The following SRFBP1 variants were observed in gnomAD, a reference collection of about 807,000 sequenced individuals.
The protein encoded by SRFBP1 is serum response factor binding protein 1.
Under a neutral mutation model 45.5 loss-of-function variants are expected in SRFBP1, and 47 were observed. The ratio of observed to expected loss-of-function variants is 1.03; its 90% CI spans 0.82 to 1.32. SRFBP1 has a LOEUF of 1.32. SRFBP1 is among the 40% of genes most tolerant of loss of function. SRFBP1 has a pLI of 0.00. For missense variants in SRFBP1, 621 were observed against 484.6 expected, an observed-to-expected ratio of 1.28 and a Z score of -2.64; for synonymous variants, 203 against 166.3, an observed-to-expected ratio of 1.22 and a Z score of -1.70.
intron 7 of SRFBP1, among the ~76,000 whole-genome samples, chr5:122,023,775 T>G (rs1419730844): frequency 6.6e-6 from 1 of 152,198 alleles, no homozygotes; most frequent in Non-Finnish European, 1.5e-5. Flanking sequence ...GGCTTGTGAT[T>G]TCTTTCACTA....
At chr5:121,974,351 T>C (rs187502024) in intron 2 of SRFBP1, 67 bp downstream of exon 2, 3 of 1,161,238 alleles carry the variant, frequency 2.6e-6, no homozygotes, top group East Asian at 2.5e-5. Context: ...TTTGATACTT[T>C]AAAATGTTTA....
intron 3 of SRFBP1, 70 bp from the exon 4 acceptor site, chr5:121,994,529 G>A (rs1752679798): frequency 4.0e-6 from 4 of 993,478 alleles, no homozygotes; most frequent in Non-Finnish European, 6.0e-6. Flanking sequence ...CTTAAGATAC[G>A]GAAAGGAACT....
intron 7 of SRFBP1, among the ~76,000 whole-genome samples, chr5:122,025,405 A>G (rs1753458765): frequency 6.6e-6 from 1 of 152,192 alleles, no homozygotes; most frequent in African/African-American, 2.4e-5. Flanking sequence ...TATTGTGAAT[A>G]GTGCCGCAAT....
intron 2 of SRFBP1, among the ~76,000 whole-genome samples, chr5:122,072,734 A>G (rs1241957282): frequency 6.6e-6 from 1 of 152,226 alleles, no homozygotes; most frequent in African/African-American, 2.4e-5. Context: ...AAGAACATAT[A>G]TGGAAGATGA....
intron 2 of SRFBP1, among the ~76,000 whole-genome samples, chr5:122,044,981 T>TA (rs1185354093): frequency 6.6e-6 from 1 of 152,184 alleles, no homozygotes; most frequent in African/African-American, 2.4e-5. Flanking sequence ...TCAGGGTTTT[T>TA]ATAGTTTTAG....
At chr5:121,982,020 T>A (rs1343204314) in intron 3 of SRFBP1, among the ~76,000 whole-genome samples, 1 of 151,902 alleles carries the variant, frequency 6.6e-6, no homozygotes, top group Non-Finnish European at 1.5e-5. Context: ...TCTGAGTCTC[T>A]AAAGATAAAT....
chr5:121,969,974 T>C (rs1285199765), intron 1 of SRFBP1, among the ~76,000 whole-genome samples: 1 of 152,154 alleles, frequency 6.6e-6, no homozygotes, highest in Non-Finnish European at 1.5e-5. Context: ...CAATGATAGT[T>C]CTTGCTTTTG....
rs1050884810 is a variant in SRFBP1 at position 122,001,556 on chromosome 5, T to C, written c.270+6886T>C. ...GTCATCCTTTGGTATCTTTTTTTTT[T>C]TTTTTTTTTTTTTTTTGAGACGGAG... On this transcript the variant is annotated intron_variant, in intron 4 of 7. Coordinates refer to ENST00000339397, the MANE Select transcript of SRFBP1 (RefSeq NM_152546.3). 2.0e-4 allele frequency among the ~76,000 whole-genome samples: 28 copies of C among 137,138 alleles called. 1 individual carries two copies. The highest frequency in any genetic ancestry group is 7.6e-4 in the African/African-American group (28 of 36,772). 90.0% of individuals were successfully genotyped at this position (137,138 alleles called of 152,430 possible).
downstream of SRFBP1, chr5:122,077,379 A>G (rs749454059): frequency 3.7e-6 from 6 of 1,613,944 alleles, no homozygotes; most frequent in Admixed American, 8.3e-5. The surrounding 1 kb of genome is among the most constrained non-coding windows in gnomAD (Gnocchi z 4.9). Context: ...CCAGTGCCGT[A>G]TCCGGGCCGG....
intron 4 of SRFBP1, 73 bp downstream of exon 4, chr5:121,994,743 G>C: frequency 1.0e-6 from 1 of 994,818 alleles, no homozygotes; most frequent in Non-Finnish European, 1.5e-6. Flanking sequence ...TTCTTGAAGA[G>C]AAAACTTACC....
chr5:121,969,141 T>G (rs1752137336), intron 1 of SRFBP1, among the ~76,000 whole-genome samples: 1 of 152,200 alleles, frequency 6.6e-6, no homozygotes, highest in Admixed American at 6.5e-5. Flanking sequence ...GCTCATTCTC[T>G]AAAAAGCAAA....
At chr5:122,004,527 T>A (rs1752940394) in intron 4 of SRFBP1, among the ~76,000 whole-genome samples, 1 of 152,150 alleles carries the variant, frequency 6.6e-6, no homozygotes, top group Non-Finnish European at 1.5e-5. Flanking sequence ...ATTTCCTCTT[T>A]CATTTCTCAT....
downstream of SRFBP1, chr5:122,077,900 T>G (rs768939667): frequency 1.3e-6 from 2 of 1,519,654 alleles, no homozygotes; most frequent in African/African-American, 1.4e-5. This position sits in a 1 kb window ranked among gnomAD's most constrained non-coding sequence, Gnocchi z 4.9. Context: ...CGGGGGCTGC[T>G]GTTGGCCGGC....
chr5:122,078,603 A>G (rs1399245376), downstream of SRFBP1, among the ~76,000 whole-genome samples: 37 of 150,618 alleles, frequency 2.5e-4, no homozygotes, highest in Admixed American at 2.4e-3. Context: ...GAAAAATGCT[A>G]TTAGGTCACC....
chr5:121,989,063 GT>G, intron 3 of SRFBP1, among the ~76,000 whole-genome samples: 1 of 151,524 alleles, frequency 6.6e-6, no homozygotes, highest in African/African-American at 2.4e-5. Context: ...GAATTTGTTT[GT>G]TTGTTTGTTT....
chr5:122,059,966 C>T (rs1006870419), intron 2 of SRFBP1, among the ~76,000 whole-genome samples: 2 of 152,014 alleles, frequency 1.3e-5, no homozygotes, highest in African/African-American at 2.4e-5. Context: ...TTCTGTTTGC[C>T]TTGACCCTCC....
intron 1 of SRFBP1, among the ~76,000 whole-genome samples, chr5:121,964,504 C>A (rs537644476): frequency 2.8e-4 from 43 of 152,228 alleles, no homozygotes; most frequent in Admixed American, 4.6e-4. Context: ...TCATCCATGT[C>A]CCTGCAAAGG....
intron 2 of SRFBP1, chr5:122,070,255 C>T (rs1201464765): frequency 2.5e-6 from 2 of 801,936 alleles, no homozygotes; most frequent in African/African-American, 1.7e-5. Flanking sequence ...CTAAATCAAG[C>T]AGGGAAGGGA....
At chr5:122,010,298 A>G (rs193241893) in intron 4 of SRFBP1, among the ~76,000 whole-genome samples, 4 of 152,084 alleles carry the variant, frequency 2.6e-5, no homozygotes, top group Admixed American at 6.5e-5. Flanking sequence ...GTTTTGTCCT[A>G]TTTTTATGTG....
Sources: gnomAD v4.1 joint callset for allele counts (sites outside exome capture counted in the v4.1 genomes callset) on GRCh38, gnomAD v4.1.1 for gene constraint, Gnocchi (gnomAD v3.1) non-coding constraint, MANE v1.5 for transcripts, NCBI Gene and HGNC (gene_info 2026-07-23, HGNC 2026-07-21) for gene names.